Variants in TENM2 observed in about 807,000 individuals in gnomAD.
TENM2 encodes the protein teneurin transmembrane protein 2.
In TENM2, 52 loss-of-function variants were observed where a neutral mutation model predicts 245.2. That is an observed-to-expected ratio of 0.21 (90% CI 0.17 to 0.27). The LOEUF is 0.27. Ranked by LOEUF, TENM2 falls within the 10% of genes least tolerant of loss-of-function variation. TENM2 has a pLI of 1.00. For synonymous variants in TENM2, 1,363 were observed against 1,438.9 expected, an observed-to-expected ratio of 0.95 and a Z score of 1.19; for missense variants, 3,046 against 3,666.8, an observed-to-expected ratio of 0.83 and a Z score of 4.37.
rs536916806 is a variant in TENM2 at position 167,455,808 on chromosome 5, C to CT, written c.502+80341dup. ...CTTGTTTGTATGCAACAGCCACGAC[C>CT]TTTTTTCAAAAGACACCCAGCTGCT... On this transcript the variant is annotated intron_variant, in intron 2 of 28. Transcript: ENST00000518659. Among the ~76,000 whole-genome samples, 516 of 152,124 alleles carry CT rather than the reference C, an allele frequency of 3.4e-3. 1 individual carries two copies. Among genetic ancestry groups the CT allele is most frequent in the Non-Finnish European group, 5.5e-3 (371 of 67,996 alleles).
At chr5:167,614,983 A>G (rs1376148072) in intron 2 of TENM2, among the ~76,000 whole-genome samples, 1 of 152,040 alleles carries the variant, frequency 6.6e-6, no homozygotes, top group East Asian at 1.9e-4. Flanking sequence ...CCTTTACTTT[A>G]TCTCACTGTG....
At chr5:167,034,544 A>G in the TENM2 span, among the ~76,000 whole-genome samples, 123,873 of 146,260 alleles carry the variant, frequency 0.85, 51,793 homozygotes, top group Admixed American at 0.91. Flanking sequence ...GCAGGAGAAT[A>G]GCGTGAACCC....
intron 2 of TENM2, among the ~76,000 whole-genome samples, chr5:167,654,157 A>G (rs1754671724): frequency 6.6e-6 from 1 of 151,942 alleles, no homozygotes; most frequent in African/African-American, 2.4e-5. Flanking sequence ...CTGCCAGTTC[A>G]ATGCGGTTTT....
chr5:167,744,841 A>G (rs1437771629), intron 2 of TENM2, among the ~76,000 whole-genome samples: 4 of 152,166 alleles, frequency 2.6e-5, no homozygotes, highest in Non-Finnish European at 4.4e-5. Context: ...AAACAAAACA[A>G]AACAAAAAAA....
At chr5:167,719,518 G>A (rs189162956) in intron 2 of TENM2, among the ~76,000 whole-genome samples, 24 of 152,238 alleles carry the variant, frequency 1.6e-4, no homozygotes, top group African/African-American at 5.8e-4. Flanking sequence ...GGTAAAAGGT[G>A]AAGTGCATGT....
intron 13 of TENM2, among the ~76,000 whole-genome samples, chr5:168,180,293 C>G (rs937752137): frequency 6.6e-6 from 1 of 152,198 alleles, no homozygotes; most frequent in African/African-American, 2.4e-5. Context: ...ATGCTGCGTA[C>G]TCCATGACAA....
intron 2 of TENM2, among the ~76,000 whole-genome samples, chr5:167,461,585 T>C (rs1766293738): frequency 6.6e-6 from 1 of 152,232 alleles, no homozygotes; most frequent in Non-Finnish European, 1.5e-5. Context: ...TGTCCCGAAC[T>C]TGGGTTATTT....
chr5:167,809,784 A>G (rs971704075), intron 2 of TENM2, among the ~76,000 whole-genome samples: 7 of 152,122 alleles, frequency 4.6e-5, no homozygotes, highest in Non-Finnish European at 1.0e-4. Context: ...CAGCCCATTG[A>G]AATGCGATCT....
In TENM2 at chr5:168,254,763, T is replaced by C. The variant is rs115757046; in HGVS notation, c.7433-5520T>C. ...AGAGTCTTCTAAAGACAAGGCCTTC[T>C]CAGCCAGTTGCGGTGGCTTACGCCT... On this transcript the variant is annotated intron_variant, in intron 27 of 28. Coordinates refer to ENST00000518659, the Ensembl canonical transcript of TENM2. Among the ~76,000 whole-genome samples, 484 of 152,188 alleles carry C rather than the reference T, an allele frequency of 3.2e-3. 3 individuals are homozygous for C. The highest frequency in any genetic ancestry group is 0.011 in the African/African-American group (469 of 41,534).
At chr5:168,147,274 C>T (rs185144023) in intron 12 of TENM2, among the ~76,000 whole-genome samples, 2 of 152,336 alleles carry the variant, frequency 1.3e-5, no homozygotes, top group East Asian at 3.9e-4. Context: ...TTTATATTCA[C>T]CAGAGAACTG....
intron 2 of TENM2, among the ~76,000 whole-genome samples, chr5:167,533,506 G>A (rs987087581): frequency 1.3e-5 from 2 of 152,034 alleles, no homozygotes; most frequent in Non-Finnish European, 2.9e-5. Context: ...CACATGGAGC[G>A]CCATGGTGCA....
At chr5:167,809,249 C>T (rs1459560145) in intron 2 of TENM2, among the ~76,000 whole-genome samples, 1 of 152,162 alleles carries the variant, frequency 6.6e-6, no homozygotes, top group Non-Finnish European at 1.5e-5. Flanking sequence ...GCCCCTTTTA[C>T]ATCATTAAAT....
At chr5:167,462,732 T>C (rs1462143247) in intron 2 of TENM2, among the ~76,000 whole-genome samples, 1 of 151,726 alleles carries the variant, frequency 6.6e-6, no homozygotes, top group African/African-American at 2.4e-5. Context: ...CATCTGCTTG[T>C]GGAGCCTTGG....
chr5:167,583,925 C>T (rs1487707623), intron 2 of TENM2, among the ~76,000 whole-genome samples: 1 of 152,182 alleles, frequency 6.6e-6, no homozygotes, highest in African/African-American at 2.4e-5. Flanking sequence ...TACTATTCAT[C>T]TTTAGGCCGA....
At position 168,102,801 on chromosome 5, in the gene TENM2, A is replaced by T. The variant is rs867383918; in HGVS notation, c.1813+4674A>T. Among the ~76,000 whole-genome samples the T allele has an allele frequency of 1.1e-4, 16 of 152,336 alleles. No individual in the cohort carries two copies. The Middle Eastern group carries it at 0.01, about 97-fold the overall frequency. ...TTTTAAATAACAATAGCTTTTAAGT[A>T]CTCAATATGCATCAGATATTGTGCA... On this transcript the variant is annotated intron_variant, in intron 9 of 28. Coordinates refer to ENST00000518659, the Ensembl canonical transcript of TENM2.
chr5:167,656,454 C>A (rs1315952065), intron 2 of TENM2, among the ~76,000 whole-genome samples: 1 of 152,062 alleles, frequency 6.6e-6, no homozygotes, highest in Non-Finnish European at 1.5e-5. Flanking sequence ...GGACAGTGAG[C>A]AAAGGCATGG....
At chr5:167,189,989 A>G in the TENM2 span, among the ~76,000 whole-genome samples, 1 of 152,084 alleles carries the variant, frequency 6.6e-6, no homozygotes, top group African/African-American at 2.4e-5. Flanking sequence ...TGAACTCATA[A>G]AACTCCTAAT....
chr5:168,144,750 C>T (rs919740213), intron 12 of TENM2, among the ~76,000 whole-genome samples: 2 of 152,130 alleles, frequency 1.3e-5, no homozygotes, highest in South Asian at 2.1e-4. Flanking sequence ...CCTGAGGAAT[C>T]GCCACACTGA....
At chr5:167,219,036 ACTGT>A in the TENM2 span, among the ~76,000 whole-genome samples, 1 of 152,182 alleles carries the variant, frequency 6.6e-6, no homozygotes, top group African/African-American at 2.4e-5. Context: ...CAGATAATTA[ACTGT>A]CTGTCAAATC....
Sources: gnomAD v4.1 joint callset for allele counts (sites outside exome capture counted in the v4.1 genomes callset) on GRCh38, gnomAD v4.1.1 for gene constraint, MANE v1.5 for transcripts, NCBI Gene and HGNC (gene_info 2026-07-23, HGNC 2026-07-21) for gene names.